RIC1: variants seen among roughly 807,000 people sequenced by gnomAD.
RIC1 encodes the protein RIC1 partner of RAB6A GEF complex, also known as guanine nucleotide exchange factor subunit RIC1.
Under a neutral mutation model 169.0 loss-of-function variants are expected in RIC1, and 88 were observed. That is an observed-to-expected ratio of 0.52 (90% CI 0.44 to 0.62). The LOEUF is 0.62. RIC1 is among the 20% of genes least tolerant of loss of function. RIC1 has a pLI of 0.00. For missense variants in RIC1, 1,877 were observed against 1,725.5 expected (o/e 1.09, Z -1.56); for synonymous variants, 790 against 601.5 (o/e 1.31, Z -4.59).
chr9:5,670,692 G>A (rs1044859357), intron 2 of RIC1, among the ~76,000 whole-genome samples: 1 of 152,142 alleles, frequency 6.6e-6, no homozygotes, highest in Non-Finnish European at 1.5e-5. Context: ...CAACAGTTTC[G>A]TTTTGCCTGC....
chr9:5,677,307 T>G (rs1429410649), intron 2 of RIC1, among the ~76,000 whole-genome samples: 4 of 152,228 alleles, frequency 2.6e-5, no homozygotes, highest in Non-Finnish European at 5.9e-5. Context: ...ATTTGTTTAT[T>G]TGTTATGTGT....
intron 2 of RIC1, 96 bp downstream of exon 2, chr9:5,656,786 C>T (rs1819126177): frequency 2.8e-6 from 2 of 706,606 alleles, no homozygotes; most frequent in African/African-American, 1.8e-5. Flanking sequence ...CAGTCTTTTG[C>T]ACTCATAAGT....
At chr9:5,724,036 A>G (rs1479500747) in intron 6 of RIC1, among the ~76,000 whole-genome samples, 1 of 152,064 alleles carries the variant, frequency 6.6e-6, no homozygotes, top group Non-Finnish European at 1.5e-5. Context: ...TGTCTTCGCA[A>G]TGCAGGCTGT....
At chr9:5,773,156 G>A in intron 25 of RIC1, 76 bp downstream of exon 25, 1 of 728,660 alleles carries the variant, frequency 1.4e-6, no homozygotes, top group South Asian at 4.4e-5. Flanking sequence ...TTAAGGCCTA[G>A]TTATGGTTCA....
chr9:5,714,961 A>G (rs191982479), intron 4 of RIC1, among the ~76,000 whole-genome samples: 1 of 152,314 alleles, frequency 6.6e-6, no homozygotes, highest in Non-Finnish European at 1.5e-5. Flanking sequence ...TTATTTCACC[A>G]TTTCTCTTGT....
At chr9:5,634,714 T>G (rs965248637) in intron 1 of RIC1, among the ~76,000 whole-genome samples, 1 of 152,230 alleles carries the variant, frequency 6.6e-6, no homozygotes, top group African/African-American at 2.4e-5. Context: ...AATAACTTAA[T>G]TTCATGTAAT....
At chr9:5,751,841 A>G (rs566569608) in intron 12 of RIC1, among the ~76,000 whole-genome samples, 12 of 152,342 alleles carry the variant, frequency 7.9e-5, no homozygotes, top group Admixed American at 7.2e-4. Context: ...GCTTTTACTT[A>G]ATTTTCTGTC....
At chr9:5,735,289 C>G (rs894247041) in intron 7 of RIC1, among the ~76,000 whole-genome samples, 1 of 151,988 alleles carries the variant, frequency 6.6e-6, no homozygotes, top group African/African-American at 2.4e-5. Flanking sequence ...AGTCAAGTGA[C>G]TAGAAAGCCC....
At chr9:5,722,382 T>TGTGTAC (rs34816836) in intron 6 of RIC1, among the ~76,000 whole-genome samples, 1 of 150,146 alleles carries the variant, frequency 6.7e-6, no homozygotes, top group Non-Finnish European at 1.5e-5. Flanking sequence ...TGTGTGTGTG[T>TGTGTAC]ACCTATGCAG....
chr9:5,653,742 T>C (rs1818933533), intron 1 of RIC1, among the ~76,000 whole-genome samples: 1 of 151,794 alleles, frequency 6.6e-6, no homozygotes, highest in African/African-American at 2.4e-5. Flanking sequence ...TGACTACAGG[T>C]GCACACCACT....
At chr9:5,657,344 G>T (rs1245579566) in intron 2 of RIC1, among the ~76,000 whole-genome samples, 2 of 151,960 alleles carry the variant, frequency 1.3e-5, no homozygotes, top group South Asian at 4.1e-4. Context: ...GTCTAAGGCT[G>T]TCATTATGAC....
At chr9:5,717,658 A>G (rs1823336414) in intron 4 of RIC1, among the ~76,000 whole-genome samples, 1 of 152,110 alleles carries the variant, frequency 6.6e-6, no homozygotes. Context: ...CAGCCTGGCC[A>G]ACATGGTGAA....
At chr9:5,661,711 T>C (rs987245796) in intron 2 of RIC1, among the ~76,000 whole-genome samples, 2 of 152,218 alleles carry the variant, frequency 1.3e-5, no homozygotes. Flanking sequence ...AAGTTGCTTA[T>C]CAGCTTACAA....
At position 5,714,082 on chromosome 9, in the gene RIC1, A is replaced by G. The variant is rs1013374603; in HGVS notation, c.440+79A>G. The G allele has an allele frequency of 1.4e-5, 12 of 840,398 alleles. No homozygotes were observed. In the African/African-American group the frequency reaches 1.9e-4, roughly 13 times the overall value. The allele number at this position is 840,398 out of a possible 1,614,324, so 52.1% of individuals were successfully genotyped here. A position where few individuals can be genotyped will look rare whatever the true frequency, so the allele number is the denominator to read the frequency against. ...TCGTAAATCCCATGACCAACAGGAAAGTTAGTTTAATTTCTTTTAATTCAA... is the reference window on the plus strand; with the variant it reads ...TCGTAAATCCCATGACCAACAGGAAGGTTAGTTTAATTTCTTTTAATTCAA... On this transcript the variant is annotated intron_variant, in intron 4 of 25. Transcript: ENST00000414202.
chr9:5,643,049 C>T (rs541597100), intron 1 of RIC1, among the ~76,000 whole-genome samples: 1 of 152,236 alleles, frequency 6.6e-6, no homozygotes, highest in Admixed American at 6.5e-5. Context: ...CCTGTAACCT[C>T]AGCACTTTTG....
intron 15 of RIC1, 94 bp from the exon 16 acceptor site, chr9:5,756,118 A>AG (rs1825997814): frequency 1.3e-6 from 1 of 753,582 alleles, no homozygotes; most frequent in African/African-American, 1.8e-5. Flanking sequence ...AAAAAAAAAA[A>AG]AAGTCGGAAG....
intron 21 of RIC1, among the ~76,000 whole-genome samples, chr9:5,768,288 G>T (rs1458630231): frequency 6.6e-6 from 1 of 152,220 alleles, no homozygotes; most frequent in Non-Finnish European, 1.5e-5. Context: ...CACTTTGGGA[G>T]GCCAAGGTGG....
chr9:5,706,626 T>G (rs1822603285), intron 3 of RIC1, among the ~76,000 whole-genome samples: 1 of 152,220 alleles, frequency 6.6e-6, no homozygotes. Flanking sequence ...TCAATTTCAT[T>G]ACTTATTATA....
chr9:5,643,633 C>A lies in RIC1; in HGVS notation c.145-12950C>A, dbSNP rs889208103. Among the ~76,000 whole-genome samples the A allele has an allele frequency of 4.6e-5, 7 of 152,168 alleles. No individual in the cohort carries two copies. In the East Asian group the frequency reaches 1.4e-3, roughly 29 times the overall value. On this transcript the variant is annotated intron_variant, in intron 1 of 25. Transcript: ENST00000414202. ...AACTAGCACCTCATTTAGATACTCT[C>A]CTTACGTAAATAAAAAAGATTGAAG...
Sources: gnomAD v4.1 joint callset for allele counts (sites outside exome capture counted in the v4.1 genomes callset) on GRCh38, gnomAD v4.1.1 for gene constraint, MANE v1.5 for transcripts, NCBI Gene and HGNC (gene_info 2026-07-23, HGNC 2026-07-21) for gene names.